The following PRLR variants were observed in gnomAD, a reference collection of about 807,000 sequenced individuals.
PRLR encodes the protein prolactin receptor.
In PRLR, 13 loss-of-function variants were observed where a neutral mutation model predicts 40.2. The ratio of observed to expected loss-of-function variants is 0.32; its 90% CI spans 0.21 to 0.51. The LOEUF is 0.51. PRLR is among the 20% of genes least tolerant of loss of function. The probability of loss-of-function intolerance (pLI) is 0.97; values close to 1 mark genes in which losing one functional copy is unlikely to be tolerated. For missense variants in PRLR, 656 were observed against 747.3 expected, an observed-to-expected ratio of 0.88 and a Z score of 1.42; for synonymous variants, 269 against 278.7, an observed-to-expected ratio of 0.97 and a Z score of 0.35.
chr5:35,127,244 C>T (rs1447182515), intron 1 of PRLR, among the ~76,000 whole-genome samples: 1 of 152,218 alleles, frequency 6.6e-6, no homozygotes, highest in Non-Finnish European at 1.5e-5. Flanking sequence ...GTCAGCTGAA[C>T]ACACAACTGC....
At chr5:35,187,983 A>G (rs114506113) in intron 1 of PRLR, among the ~76,000 whole-genome samples, 10 of 152,208 alleles carry the variant, frequency 6.6e-5, no homozygotes, top group African/African-American at 2.4e-4. Context: ...ATCTCCCTCA[A>G]CTGTTAACTG....
intron 5 of PRLR, chr5:35,081,778 A>AACACACACAC (rs71974696): frequency 1.5e-5 from 2 of 136,710 alleles, no homozygotes; most frequent in African/African-American, 2.5e-5. Context: ...GCAATACACA[A>AACACACACAC]ACACACACAC....
intron 1 of PRLR, among the ~76,000 whole-genome samples, chr5:35,162,965 C>T (rs1182801552): frequency 6.6e-6 from 1 of 152,154 alleles, no homozygotes; most frequent in East Asian, 1.9e-4. Context: ...ACACATACCT[C>T]TGCAACTGGG....
intron 1 of PRLR, among the ~76,000 whole-genome samples, chr5:35,214,939 G>C (rs1277563121): frequency 6.6e-6 from 1 of 152,122 alleles, no homozygotes; most frequent in Non-Finnish European, 1.5e-5. Context: ...CATGAACAAA[G>C]AAGTTTTGCA....
intron 1 of PRLR, among the ~76,000 whole-genome samples, chr5:35,184,242 G>A (rs528439066): frequency 9.2e-5 from 14 of 152,300 alleles, no homozygotes; most frequent in African/African-American, 3.1e-4. Context: ...GGCCAGGCAC[G>A]GTGGCTCACG....
chr5:35,090,875 A>G (rs1771164766), intron 2 of PRLR, among the ~76,000 whole-genome samples: 1 of 130,018 alleles, frequency 7.7e-6, no homozygotes, highest in Non-Finnish European at 1.5e-5. Context: ...CAGTGGCGCG[A>G]TCTGGGCTCA....
intron 5 of PRLR, among the ~76,000 whole-genome samples, chr5:35,074,085 T>C (rs527854949): frequency 1.4e-4 from 21 of 152,330 alleles, no homozygotes; most frequent in African/African-American, 4.8e-4. Context: ...GAAAATCTTG[T>C]ATGTGAATTT....
intron 1 of PRLR, among the ~76,000 whole-genome samples, chr5:35,158,668 T>G (rs573145560): frequency 2.5e-4 from 38 of 152,150 alleles, no homozygotes; most frequent in African/African-American, 8.7e-4. Context: ...CTCTGCTAAG[T>G]CCAAGAGTGA....
intron 1 of PRLR, among the ~76,000 whole-genome samples, chr5:35,180,582 T>TC (rs1409433981): frequency 3.3e-5 from 5 of 151,472 alleles, no homozygotes; most frequent in African/African-American, 9.7e-5. Context: ...TCTTTTCTTT[T>TC]CCCCCCTTTT....
chr5:35,182,967 C>T (rs1579774213), intron 1 of PRLR, among the ~76,000 whole-genome samples: 2 of 152,338 alleles, frequency 1.3e-5, no homozygotes, highest in Middle Eastern at 3.4e-3. Context: ...ACACACTCTT[C>T]TTGTTTACCC....
chr5:35,168,685 C>A (rs1251128862), intron 1 of PRLR, among the ~76,000 whole-genome samples: 1 of 151,956 alleles, frequency 6.6e-6, no homozygotes, highest in Non-Finnish European at 1.5e-5. Context: ...CCAAAAGGAG[C>A]AATGAATAGG....
intron 8 of PRLR, chr5:35,049,436 T>C: frequency 1.4e-6 from 1 of 702,558 alleles, no homozygotes; most frequent in Admixed American, 2.0e-5. Flanking sequence ...AACAGTACAT[T>C]CTGAATAACT....
At chr5:35,130,427 A>G (rs1319562502) in intron 1 of PRLR, 2 of 152,172 alleles carry the variant, frequency 1.3e-5, no homozygotes, top group African/African-American at 4.8e-5. Context: ...GCTGTAGTCT[A>G]TGCTGTCATC....
chr5:35,159,022 C>A (rs1774592767), intron 1 of PRLR, among the ~76,000 whole-genome samples: 2 of 152,124 alleles, frequency 1.3e-5, no homozygotes, highest in African/African-American at 4.8e-5. Context: ...CTGACACTTA[C>A]AACCAAAAAG....
chr5:35,182,856 A>T (rs961931354), intron 1 of PRLR, among the ~76,000 whole-genome samples: 3 of 152,224 alleles, frequency 2.0e-5, no homozygotes, highest in Admixed American at 6.5e-5. Flanking sequence ...AAGTATTTTT[A>T]AATTATACTG....
chr5:35,154,636 C>T (rs777411218), intron 1 of PRLR, among the ~76,000 whole-genome samples: 10 of 152,172 alleles, frequency 6.6e-5, no homozygotes, highest in Middle Eastern at 3.4e-3. Flanking sequence ...ATTCCCTTAC[C>T]GAGTATATAC....
intron 4 of PRLR, 66 bp from the exon 5 acceptor site, chr5:35,084,705 T>C: frequency 4.1e-6 from 6 of 1,471,458 alleles, no homozygotes; most frequent in Non-Finnish European, 4.6e-6. Context: ...TTTTTCTTCA[T>C]AGATCAATAC....
intron 1 of PRLR, among the ~76,000 whole-genome samples, chr5:35,125,161 T>C (rs1439825813): frequency 2.0e-5 from 3 of 152,182 alleles, no homozygotes; most frequent in East Asian, 3.9e-4. Flanking sequence ...TTTACAAGCA[T>C]GAGAGGACCA....
Position 35,152,273 on chromosome 5 carries a change from G to A in PRLR, c.-105-34151C>T, listed in dbSNP as rs537617097. Among the ~76,000 whole-genome samples the A allele has an allele frequency of 1.1e-4, 16 of 152,154 alleles. No individual in the cohort carries two copies. In the South Asian group the frequency reaches 3.1e-3, roughly 30 times the overall value. Reference sequence around the variant, plus strand: ...AGGCAGATTTATGCTACAAATAACTGTCCCTCAAGGAAATAAATGGTATAT... The same window carrying A: ...AGGCAGATTTATGCTACAAATAACTATCCCTCAAGGAAATAAATGGTATAT... On this transcript the variant is annotated intron_variant, in intron 1 of 9. Coordinates refer to ENST00000618457, the MANE Select transcript of PRLR (RefSeq NM_000949.7).
Sources: gnomAD v4.1 joint callset for allele counts (sites outside exome capture counted in the v4.1 genomes callset) on GRCh38, gnomAD v4.1.1 for gene constraint, MANE v1.5 for transcripts, NCBI Gene and HGNC (gene_info 2026-07-23, HGNC 2026-07-21) for gene names.